Variants in RBFOX1 observed in about 807,000 individuals in gnomAD.
The protein encoded by RBFOX1 is RNA binding protein fox-1 homolog 1.
In RBFOX1, 8 loss-of-function variants were observed where a neutral mutation model predicts 57.7. The observed-to-expected ratio is 0.14, with a 90% CI of 0.08 to 0.25. RBFOX1 has a LOEUF of 0.25. Among genes scored for constraint, RBFOX1 ranks in the 10% least tolerant of loss-of-function variants. The probability of loss-of-function intolerance (pLI) is 1.00; values close to 1 mark genes in which losing one functional copy is unlikely to be tolerated. For missense variants in RBFOX1, 611 were observed against 548.5 expected (o/e 1.11, Z -1.14); for synonymous variants, 326 against 222.4 (o/e 1.47, Z -4.15).
intron 14 of RBFOX1, among the ~76,000 whole-genome samples, chr16:7,700,673 G>A (rs1449753320): frequency 6.6e-6 from 1 of 152,202 alleles, no homozygotes; most frequent in Non-Finnish European, 1.5e-5. Context: ...TAAAGAGAAT[G>A]TGCCTACAGC....
chr16:7,476,316 C>T (rs185086700), intron 4 of RBFOX1, among the ~76,000 whole-genome samples: 9 of 152,316 alleles, frequency 5.9e-5, no homozygotes, highest in African/African-American at 1.9e-4. Flanking sequence ...CAATTACAAG[C>T]TGTGGCCTTA....
At chr16:5,921,479 A>T (rs1439684109) in intron 4 of RBFOX1, among the ~76,000 whole-genome samples, 1 of 152,192 alleles carries the variant, frequency 6.6e-6, no homozygotes, top group Admixed American at 6.5e-5. Flanking sequence ...ATCTGACTTG[A>T]CTGAGAAGGA....
intron 3 of RBFOX1, among the ~76,000 whole-genome samples, chr16:5,793,468 A>G (rs1023241175): frequency 2.0e-5 from 3 of 152,244 alleles, no homozygotes; most frequent in Non-Finnish European, 4.4e-5. Flanking sequence ...CATGCCGCTA[A>G]GAGGTCCAGG....
intron 1 of RBFOX1, among the ~76,000 whole-genome samples, chr16:5,455,576 T>C (rs911878244): frequency 6.6e-6 from 1 of 152,230 alleles, no homozygotes; most frequent in Non-Finnish European, 1.5e-5. Context: ...ATTTTCAGTA[T>C]GCCTTTTTTC....
At chr16:7,362,584 T>G (rs955285771) in intron 4 of RBFOX1, among the ~76,000 whole-genome samples, 8 of 152,198 alleles carry the variant, frequency 5.3e-5, no homozygotes, top group Middle Eastern at 3.4e-3. Flanking sequence ...AGTGTGTGTA[T>G]TAGTGTGTGG....
intron 8 of RBFOX1, among the ~76,000 whole-genome samples, 165 bp downstream of exon 8, chr16:7,595,806 CT>C (rs906544752): frequency 6.8e-6 from 1 of 148,032 alleles, no homozygotes; most frequent in African/African-American, 2.5e-5. Context: ...ACTGGCCTTA[CT>C]TTTTTTTTTA....
rs908357156 is a variant in RBFOX1 at position 5,331,063 on chromosome 16, G to T, written c.219+90958G>T. The stretch of plus-strand genomic sequence containing the variant: ...TCAGGCACCAAACTCTGAGGATCTG[G>T]AGGTGATGTGGCTCTAGGAGAAAGG... On this transcript the variant is annotated intron_variant, in intron 1 of 2. Coordinates refer to the RBFOX1 transcript ENST00000585867. Among the ~76,000 whole-genome samples the T allele has an allele frequency of 7.2e-5, 11 of 152,110 alleles. 1 individual carries two copies. The highest frequency in any genetic ancestry group is 1.9e-4 in the East Asian group (1 of 5,182).
At chr16:5,335,517 C>T (rs373834790) in intron 1 of RBFOX1, among the ~76,000 whole-genome samples, 6 of 151,994 alleles carry the variant, frequency 3.9e-5, no homozygotes, top group African/African-American at 7.2e-5. Flanking sequence ...GTATTAATGT[C>T]GGTTTTTTGT....
At chr16:6,563,087 C>G (rs1045810842) in intron 2 of RBFOX1, among the ~76,000 whole-genome samples, 4 of 151,964 alleles carry the variant, frequency 2.6e-5, no homozygotes, top group African/African-American at 9.7e-5. Flanking sequence ...ATACTCACTT[C>G]TTCCAAGTGC....
intron 1 of RBFOX1, chr16:6,059,280 G>A (rs1187316699): frequency 6.6e-6 from 1 of 152,184 alleles, no homozygotes; most frequent in Non-Finnish European, 1.5e-5. Flanking sequence ...TCTTCCCTAA[G>A]CAGTGGCCAT....
At chr16:7,340,182 C>A (rs562120202) in intron 4 of RBFOX1, among the ~76,000 whole-genome samples, 1 of 152,298 alleles carries the variant, frequency 6.6e-6, no homozygotes, top group South Asian at 2.1e-4. Context: ...GGACCTCTTA[C>A]CAAAATGTGT....
At chr16:5,298,340 A>T (rs1231381269) in intron 1 of RBFOX1, among the ~76,000 whole-genome samples, 1 of 152,172 alleles carries the variant, frequency 6.6e-6, no homozygotes, top group African/African-American at 2.4e-5. Flanking sequence ...AGTAATAGTA[A>T]GATTAAATCT....
At chr16:6,882,209 G>C (rs1173611214) in intron 3 of RBFOX1, among the ~76,000 whole-genome samples, 2 of 152,032 alleles carry the variant, frequency 1.3e-5, no homozygotes, top group Non-Finnish European at 1.5e-5. Context: ...CAGCAACACT[G>C]GGCAATTTAT....
chr16:7,038,973 G>C (rs1455493061), intron 3 of RBFOX1, among the ~76,000 whole-genome samples: 1 of 152,130 alleles, frequency 6.6e-6, no homozygotes, highest in East Asian at 1.9e-4. Context: ...AATCTCTCCA[G>C]TGACTTATAG....
chr16:7,669,467 G>C (rs943244221), intron 13 of RBFOX1, among the ~76,000 whole-genome samples: 32 of 152,214 alleles, frequency 2.1e-4, no homozygotes, highest in African/African-American at 7.7e-4. Context: ...GAGAGAAAGA[G>C]TGAGAGGATA....
intron 4 of RBFOX1, among the ~76,000 whole-genome samples, chr16:7,178,815 C>A (rs1032467393): frequency 6.6e-6 from 1 of 152,152 alleles, no homozygotes; most frequent in Non-Finnish European, 1.5e-5. Flanking sequence ...GGGTTTCACA[C>A]CTGTTATTCT....
Position 7,630,635 on chromosome 16 carries a change from G to A in RBFOX1, c.709G>A (p.Gly237Arg). The A allele has an allele frequency of 6.2e-7, 1 of 1,614,114 alleles. No homozygotes were observed. Among genetic ancestry groups the A allele is most frequent in the Non-Finnish European group, 8.5e-7 (1 of 1,180,018 alleles). Residue 237 changes from glycine to arginine, a missense_variant, in exon 11 of 16, where the codon GGA becomes AGA. Gly to Arg is a moderately radical substitution (Grantham distance 125). This residue lies in a region of RBFOX1 where 267 missense variants were observed against 229.1 expected (regional missense o/e 1.17). Transcript: ENST00000550418. Reference sequence around the variant, plus strand: ...CCTGTTGTGCCAGGCCAACCAGGAGGGATCTTCCATGTACAGTGCCCCCAG... The same window carrying A: ...CCTGTTGTGCCAGGCCAACCAGGAGAGATCTTCCATGTACAGTGCCCCCAG... The part of the protein sequence containing the change: ...TVLLCQANQE[G>R]SSMYSAPSSL...
At chr16:6,768,053 G>T (rs180709879) in intron 3 of RBFOX1, among the ~76,000 whole-genome samples, 41 of 151,844 alleles carry the variant, frequency 2.7e-4, no homozygotes, top group African/African-American at 8.9e-4. Context: ...GAAGGAGCTA[G>T]TGAATTTTCT....
intron 1 of RBFOX1, among the ~76,000 whole-genome samples, chr16:6,163,845 G>A (rs138666721): frequency 6.6e-6 from 1 of 152,214 alleles, no homozygotes; most frequent in African/African-American, 2.4e-5. Flanking sequence ...CAATTAGAAA[G>A]GCCCATATAG....
Sources: gnomAD v4.1 joint callset for allele counts (sites outside exome capture counted in the v4.1 genomes callset) on GRCh38, gnomAD v4.1.1 for gene constraint, gnomAD v4.1.1 regional missense constraint, MANE v1.5 for transcripts, NCBI Gene and HGNC (gene_info 2026-07-23, HGNC 2026-07-21) for gene names.